Variants in IPO5 observed in about 807,000 individuals in gnomAD.
The protein encoded by IPO5 is importin-5.
In IPO5, 18 loss-of-function variants were observed where a neutral mutation model predicts 143.3. The ratio of observed to expected loss-of-function variants is 0.13; its 90% CI spans 0.09 to 0.19. The LOEUF (loss-of-function observed/expected upper bound fraction) is 0.19. Among genes scored for constraint, IPO5 ranks in the 10% least tolerant of loss-of-function variants. The pLI is 1.00. For missense variants in IPO5, 1,013 were observed against 1,336.9 expected, an observed-to-expected ratio of 0.76 and a Z score of 3.78; for synonymous variants, 477 against 465.7, an observed-to-expected ratio of 1.02 and a Z score of -0.31.
chr13:98,008,929 A>G (rs1157003993), intron 18 of IPO5, among the ~76,000 whole-genome samples: 2 of 152,206 alleles, frequency 1.3e-5, no homozygotes, highest in Non-Finnish European at 2.9e-5. Flanking sequence ...TTTGCAAAGA[A>G]AGCATGTTTT....
At chr13:97,970,732 C>T (rs994380801) in intron 3 of IPO5, among the ~76,000 whole-genome samples, 9 of 152,162 alleles carry the variant, frequency 5.9e-5, no homozygotes, top group African/African-American at 2.2e-4. Context: ...GCATTGAAAG[C>T]CAGAAATAGC....
At chr13:98,019,506 A>G in intron 26 of IPO5, 75 bp from the exon 27 acceptor site, 2 of 1,001,544 alleles carry the variant, frequency 2.0e-6, no homozygotes, top group Non-Finnish European at 3.1e-6. Flanking sequence ...ATCTGAACCA[A>G]ATACAAAAAT....
intron 3 of IPO5, 89 bp downstream of exon 3, chr13:97,969,919 G>C (rs779619686): frequency 6.4e-5 from 62 of 975,686 alleles, no homozygotes; most frequent in Non-Finnish European, 9.5e-5. Context: ...GGCTGGTCTC[G>C]AACTCCTGGT....
At chr13:97,981,308 G>A (rs1886827244) in intron 4 of IPO5, 1 of 453,392 alleles carries the variant, frequency 2.2e-6, no homozygotes, top group Non-Finnish European at 4.4e-6. Context: ...GTTTAATGAA[G>A]TGAAACAGAG....
intron 28 of IPO5, 28 bp from the exon 29 acceptor site, chr13:98,021,707 TA>T: frequency 1.4e-6 from 2 of 1,397,556 alleles, no homozygotes; most frequent in Non-Finnish European, 9.8e-7. Flanking sequence ...CATTTCGTCC[TA>T]AGTCTGTGAA....
chr13:97,982,627 G>T (rs1229361600), intron 5 of IPO5, 44 bp downstream of exon 5: 7 of 1,175,862 alleles, frequency 6.0e-6, no homozygotes, highest in Middle Eastern at 1.9e-4. Flanking sequence ...TAGAAAATAA[G>T]TTATTAGATG....
In IPO5 at chr13:97,953,718, T is replaced by G. The variant is rs1884268034; in HGVS notation, c.-193+2T>G. On this transcript the variant is annotated splice_donor_variant, in intron 1 of 28. Coordinates refer to ENST00000651721, the MANE Select transcript of IPO5 (RefSeq NM_002271.6). LOFTEE classifies it low-confidence loss of function (5UTR_SPLICE). Reference sequence around the variant, plus strand: ...CAGCCGGGAACAGCTCTGACCACAGTAAGTCATCCCAAAACCTCACATTCA... The same window carrying G: ...CAGCCGGGAACAGCTCTGACCACAGGAAGTCATCCCAAAACCTCACATTCA... The G allele has an allele frequency of 3.3e-6, 1 of 303,880 alleles. No individual in the cohort carries two copies. Among genetic ancestry groups the G allele is most frequent in the Admixed American group, 4.3e-5 (1 of 23,364 alleles). 18.8% of individuals were successfully genotyped at this position (303,880 alleles called of 1,614,324 possible). A position where few individuals can be genotyped will look rare whatever the true frequency, so the allele number is the denominator to read the frequency against.
At chr13:97,983,079 C>T in intron 5 of IPO5, among the ~76,000 whole-genome samples, 1 of 152,304 alleles carries the variant, frequency 6.6e-6, no homozygotes, top group South Asian at 2.1e-4. Context: ...CCATGTTGGC[C>T]AGGCTGGTCT....
intron 2 of IPO5, among the ~76,000 whole-genome samples, chr13:97,958,547 C>T (rs117286590): frequency 1.6e-3 from 243 of 152,196 alleles, no homozygotes; most frequent in Non-Finnish European, 2.5e-3. Flanking sequence ...GGTCCTCTAT[C>T]TCATTTTGTG....
chr13:97,983,755 A>C (rs1381197873), intron 5 of IPO5, among the ~76,000 whole-genome samples: 1 of 151,948 alleles, frequency 6.6e-6, no homozygotes, highest in Non-Finnish European at 1.5e-5. Flanking sequence ...AGTCACACTA[A>C]ACTTTTACAT....
intron 2 of IPO5, among the ~76,000 whole-genome samples, chr13:97,958,347 C>T (rs1481135135): frequency 2.0e-5 from 3 of 152,126 alleles, no homozygotes; most frequent in Non-Finnish European, 4.4e-5. Flanking sequence ...CCAGACCTTA[C>T]CCCAAACACC....
intron 2 of IPO5, among the ~76,000 whole-genome samples, chr13:97,956,331 C>A (rs1310924663): frequency 6.6e-6 from 1 of 151,988 alleles, no homozygotes; most frequent in Non-Finnish European, 1.5e-5. Context: ...AGAAAGAAAT[C>A]AAAATGTTGT....
At chr13:97,960,120 A>T (rs2139482668) in intron 2 of IPO5, 1 of 152,318 alleles carries the variant, frequency 6.6e-6, no homozygotes, top group Middle Eastern at 3.4e-3. Flanking sequence ...TTAACTGTGG[A>T]TGACTAAAAA....
rs59658983 is a variant in IPO5 at position 98,012,801 on chromosome 13, A to ATTTTTTTTTTTTTT, written c.2152+472_2152+485dup. On this transcript the variant is annotated intron_variant, in intron 21 of 28. Coordinates refer to ENST00000651721, the MANE Select transcript of IPO5 (RefSeq NM_002271.6). ...ACAACACCAAGCCCAGCTAGATTTG[A>ATTTTTTTTTTTTTT]TTTTTTTTTTTTTTTTTTTTTTTTT... Among the ~76,000 whole-genome samples the ATTTTTTTTTTTTTT allele has an allele frequency of 6.6e-4, 72 of 109,156 alleles. 2 individuals carry two copies. Among genetic ancestry groups the ATTTTTTTTTTTTTT allele is most frequent in the East Asian group, 5.3e-3 (13 of 2,432 alleles). 71.6% of individuals were successfully genotyped at this position (109,156 alleles called of 152,430 possible). A position where few individuals can be genotyped will look rare whatever the true frequency, so the allele number is the denominator to read the frequency against.
chr13:98,000,530 T>C lies in IPO5; in HGVS notation c.1002-9T>C, dbSNP rs747174124. ...TATATTGAGTACATAATTCTGTTTA[T>C]GTGTTTAGCAATGCAGTTGCAGGCG... On this transcript the variant is annotated splice_polypyrimidine_tract_variant and intron_variant, in intron 12 of 28. Transcript: ENST00000651721. 1 of 1,585,520 alleles carries C rather than the reference T, an allele frequency of 6.3e-7. No individual in the cohort carries two copies. The highest frequency in any genetic ancestry group is 8.7e-7 in the Non-Finnish European group (1 of 1,154,018).
intron 10 of IPO5, 33 bp downstream of exon 10, chr13:97,993,047 GTTA>G (rs755800577): frequency 1.2e-6 from 2 of 1,611,238 alleles, no homozygotes; most frequent in Non-Finnish European, 1.7e-6. Context: ...CGTTCTGTTT[GTTA>G]TTTTCAGGGA....
intron 3 of IPO5, chr13:97,976,102 C>CTCCCCGTGGCCGCT: frequency 6.3e-6 from 2 of 315,220 alleles, no homozygotes; most frequent in African/African-American, 2.3e-5. Flanking sequence ...CCAGCGGCCA[C>CTCCCCGTGGCCGCT]GGGGAGGGGC....
chr13:97,994,957 C>G (rs57393806), intron 11 of IPO5, among the ~76,000 whole-genome samples: 1 of 151,982 alleles, frequency 6.6e-6, no homozygotes, highest in African/African-American at 2.4e-5. Context: ...GAAACCCTTT[C>G]TCTGCCAAAA....
intron 13 of IPO5, among the ~76,000 whole-genome samples, chr13:98,001,210 C>G (rs1389451197): frequency 1.4e-4 from 21 of 152,044 alleles, no homozygotes; most frequent in Non-Finnish European, 2.5e-4. Context: ...TTTCAGTTAC[C>G]TTTGTACCTG....
Sources: allele counts gnomAD v4.1 joint callset (sites outside exome capture counted in the v4.1 genomes callset), GRCh38; gene constraint gnomAD v4.1.1; transcripts MANE v1.5; gene names NCBI Gene and HGNC (gene_info 2026-07-23, HGNC 2026-07-21).